Variants in MLC1 observed in about 807,000 individuals in gnomAD.
MLC1 encodes the protein modulator of VRAC current 1, also known as membrane protein MLC1.
MLC1 carries 32 observed loss-of-function variants against 44.7 expected under a neutral mutation model. The observed-to-expected ratio is 0.72, with a 90% CI of 0.54 to 0.96. The LOEUF (loss-of-function observed/expected upper bound fraction) is 0.96. Among genes scored for constraint, MLC1 ranks in the 40% least tolerant of loss-of-function variants. MLC1 has a pLI of 0.00. For missense variants in MLC1, 459 were observed against 492.2 expected (o/e 0.93, Z 0.64); for synonymous variants, 190 against 213.0 (o/e 0.89, Z 0.94).
In MLC1 at chr22:50,084,809, C is replaced by G. The variant is rs193115579; in HGVS notation, c.94G>C (p.Ala32Pro). 6.8e-6 allele frequency: 11 copies of G among 1,613,910 alleles called. No homozygotes were observed. Among genetic ancestry groups the G allele is most frequent in the South Asian group, 3.3e-5 (3 of 91,086 alleles). Residue 32 changes from alanine (A) to proline (P), a missense_variant, in exon 2 of 12, where the codon GCG becomes CCG. Physicochemically the swap from Ala to Pro is conservative, Grantham distance 27. Coordinates refer to ENST00000311597, the MANE Select transcript of MLC1 (RefSeq NM_015166.4). ...GACAGCTGCAGGTCGCTCGGCTTCG[C>G]GTCTGGGGCATAGCTGGCGGGGTCT... is the stretch of plus-strand genomic sequence containing the variant. ...RQDPASYAPD[A>P]KPSDLQLSKR...
At chr22:50,076,109 A>G (rs1255236907) in intron 7 of MLC1, among the ~76,000 whole-genome samples, 1 of 152,236 alleles carries the variant, frequency 6.6e-6, no homozygotes, top group African/African-American at 2.4e-5. Flanking sequence ...GATGGTAAAA[A>G]TAAGTAGAAA....
intron 10 of MLC1, among the ~76,000 whole-genome samples, chr22:50,065,679 G>T (rs2061687122): frequency 1.3e-5 from 2 of 152,200 alleles, no homozygotes; most frequent in Non-Finnish European, 2.9e-5. Flanking sequence ...ACTCCAGCGT[G>T]ACACCCTCTG....
At chr22:50,066,246 C>T (rs1462069068) in intron 10 of MLC1, among the ~76,000 whole-genome samples, 1 of 152,156 alleles carries the variant, frequency 6.6e-6, no homozygotes, top group East Asian at 1.9e-4. Context: ...CGTCTGTAAT[C>T]CCAGCACTTC....
At position 50,061,216 on chromosome 22, in the gene MLC1, A is replaced by G; in HGVS notation, c.*367T>C. On this transcript the variant is annotated 3_prime_UTR_variant, in exon 12 of 12. Transcript: ENST00000311597. ...AGGGACCCACAGTCTGGTCAGGTCC[A>G]GAGAGCCCACTCCAGCCCAAGCCAT... The G allele has an allele frequency of 8.1e-6, 3 of 371,784 alleles. No individual in the cohort carries two copies. Among genetic ancestry groups the G allele is most frequent in the Non-Finnish European group, 1.5e-5 (3 of 193,818 alleles). The allele number at this position is 371,784 out of a possible 1,614,324, so 23.0% of individuals were successfully genotyped here.
At chr22:50,081,094 A>G (rs369624819) in intron 3 of MLC1, among the ~76,000 whole-genome samples, 112 of 141,536 alleles carry the variant, frequency 7.9e-4, no homozygotes, top group Non-Finnish European at 1.5e-3. Flanking sequence ...CTGTAATCCC[A>G]GTACTTTGGG....
Position 50,083,477 on chromosome 22 carries a change from TC to T in MLC1, c.178-305del, listed in dbSNP as rs1230182535. Among the ~76,000 whole-genome samples, 1 of 152,012 alleles carries T rather than the reference TC, an allele frequency of 6.6e-6. No homozygotes were observed. Among genetic ancestry groups the T allele is most frequent in the East Asian group, 1.9e-4 (1 of 5,178 alleles). ...TATTTAGAGCAAGGAATGGCACCTC[TC>T]CCCACAAAATACTCCTGCCCCAACA... is the stretch of plus-strand genomic sequence containing the variant. On this transcript the variant is annotated intron_variant, in intron 2 of 11. Transcript: ENST00000311597. This position sits in a 1 kb window ranked among gnomAD's most constrained non-coding sequence, Gnocchi z 4.6.
rs180844259 is a variant in MLC1, at chr22:50,060,441, G to A, written c.*1142C>T. 1 of 152,508 alleles carries A rather than the reference G, an allele frequency of 6.6e-6. No individual in the cohort carries two copies. The highest frequency in any genetic ancestry group is 6.5e-5 in the Admixed American group (1 of 15,310). The allele number at this position is 152,508 out of a possible 1,614,324, so 9.4% of individuals were successfully genotyped here. A position where few individuals can be genotyped will look rare whatever the true frequency, so the allele number is the denominator to read the frequency against. On this transcript the variant is annotated 3_prime_UTR_variant, in exon 12 of 12. Transcript: ENST00000311597. ...TGTACCCTAAGACCCCAAAACAGCG[G>A]AGATGGAGAAGACCGCTGCCCTGGG...
rs779289701 is a variant in MLC1, at chr22:50,068,414, G to A, written c.894+19C>T. ...GAGCACCACATGTCTGGGGGGCTCT[G>A]AAATAAAATACAACTCACTTTTATG... On this transcript the variant is annotated intron_variant, in intron 10 of 11. Coordinates refer to ENST00000311597, the MANE Select transcript of MLC1 (RefSeq NM_015166.4). The A allele has an allele frequency of 2.5e-6, 4 of 1,612,468 alleles. No homozygotes were observed. The highest frequency in any genetic ancestry group is 2.5e-6 in the Non-Finnish European group (3 of 1,179,008).
Sources: allele counts gnomAD v4.1 joint callset (sites outside exome capture counted in the v4.1 genomes callset), GRCh38; gene constraint gnomAD v4.1.1; non-coding constraint Gnocchi (gnomAD v3.1); transcripts MANE v1.5; gene names NCBI Gene and HGNC (gene_info 2026-07-23, HGNC 2026-07-21).